Variants in SLC25A14 observed in about 807,000 individuals in gnomAD.
The protein encoded by SLC25A14 is brain mitochondrial carrier protein 1.
A neutral mutation model predicts 28.1 loss-of-function variants in SLC25A14; 8 were observed. The observed-to-expected ratio is 0.28, with a 90% CI of 0.17 to 0.51. The LOEUF (loss-of-function observed/expected upper bound fraction) is 0.51, where lower values mean the gene tolerates loss of function less well. Ranked by LOEUF, SLC25A14 falls within the 20% of genes least tolerant of loss-of-function variation. SLC25A14 has a pLI of 0.97. For missense variants in SLC25A14, 135 were observed against 263.8 expected, an observed-to-expected ratio of 0.51 and a Z score of 3.38; for synonymous variants, 74 against 90.6, an observed-to-expected ratio of 0.82 and a Z score of 1.04.
chrX:130,354,304 G>A (rs193190701), intron 6 of SLC25A14, among the ~76,000 whole-genome samples: 2,055 of 110,167 alleles, frequency 0.019, 33 homozygotes, highest in Non-Finnish European at 0.026. Context: ...TAGTAGAGAC[G>A]GGGTTTCACC....
chrX:130,372,011 C>A (rs1488321309), intron 10 of SLC25A14, among the ~76,000 whole-genome samples: 1 of 111,876 alleles, frequency 8.9e-6, no homozygotes, highest in Admixed American at 9.5e-5. Context: ...GAAATAAAAA[C>A]AGGACAGAAG....
intron 7 of SLC25A14, among the ~76,000 whole-genome samples, chrX:130,360,194 C>G (rs5977242): frequency 9.2e-6 from 1 of 109,096 alleles, no homozygotes; most frequent in African/African-American, 3.3e-5. Context: ...CCTGGCCAGG[C>G]TAGTTTTCTT....
At chrX:130,350,604 C>A in intron 5 of SLC25A14, 42 bp from the exon 6 acceptor site, 1 of 846,211 alleles carries the variant, frequency 1.2e-6, no homozygotes, top group Non-Finnish European at 1.7e-6. Context: ...CAAACTGGTG[C>A]CTAATACAAG....
chrX:130,366,044 C>T (rs1275663583), intron 9 of SLC25A14, among the ~76,000 whole-genome samples: 4 of 112,262 alleles, frequency 3.6e-5, no homozygotes, highest in Non-Finnish European at 5.6e-5. Flanking sequence ...TTTCAGTTCA[C>T]GGTTATGCTG....
chrX:130,352,317 G>A (rs189481926), intron 6 of SLC25A14, among the ~76,000 whole-genome samples: 22 of 112,130 alleles, frequency 2.0e-4, no homozygotes, highest in African/African-American at 6.5e-4. Flanking sequence ...CCAGTCCAAC[G>A]GTGGTGGGCA....
chrX:130,344,660 T>C (rs780735503), intron 2 of SLC25A14, among the ~76,000 whole-genome samples: 9 of 111,414 alleles, frequency 8.1e-5, no homozygotes, highest in Non-Finnish European at 1.1e-4. Context: ...CTGGGCCTAG[T>C]TGGGGGGACA....
At chrX:130,340,655 G>C (rs1295781823) in intron 2 of SLC25A14, among the ~76,000 whole-genome samples, 1 of 110,693 alleles carries the variant, frequency 9.0e-6, no homozygotes, top group African/African-American at 3.3e-5. Context: ...ACATCATCGA[G>C]TTCTTTGTGT....
chrX:130,369,974 A>G (rs1194537377), intron 9 of SLC25A14, among the ~76,000 whole-genome samples: 1 of 112,154 alleles, frequency 8.9e-6, no homozygotes, highest in Non-Finnish European at 1.9e-5. Context: ...ATTTTAGACC[A>G]ATTAAAAGTC....
In SLC25A14 at chrX:130,340,124, C is replaced by G. The variant is rs757046052; in HGVS notation, c.-155C>G. 2.7e-6 allele frequency: 3 copies of G among 1,104,765 alleles called. No homozygotes were observed. Among genetic ancestry groups the G allele is most frequent in the Non-Finnish European group, 3.5e-6 (3 of 848,712 alleles). The allele number at this position is 1,104,765 out of a possible 1,213,427, so 91.0% of individuals were successfully genotyped here. The stretch of plus-strand genomic sequence containing the variant: ...CCCCTCAGCTGAGTCCCTTCCCTGT[C>G]TTTCACTCTTCTGGCATCGGTGGTT... On this transcript the variant is annotated 5_prime_UTR_variant, in exon 2 of 11. Transcript: ENST00000545805.
At chrX:130,348,981 A>G (rs2033542135) in intron 4 of SLC25A14, among the ~76,000 whole-genome samples, 1 of 109,962 alleles carries the variant, frequency 9.1e-6, no homozygotes, top group African/African-American at 3.3e-5. Context: ...TAATTTCTAA[A>G]TGTTTGAGGA....
At chrX:130,356,517 C>A (rs1306098623) in intron 6 of SLC25A14, among the ~76,000 whole-genome samples, 1 of 111,284 alleles carries the variant, frequency 9.0e-6, no homozygotes, top group Non-Finnish European at 1.9e-5. Flanking sequence ...GCGTGAGCCA[C>A]TGCGCCTGGC....
chrX:130,370,915 C>A (rs182737335), intron 9 of SLC25A14, among the ~76,000 whole-genome samples: 1 of 111,900 alleles, frequency 8.9e-6, no homozygotes, highest in Non-Finnish European at 1.9e-5. Flanking sequence ...GATTGCAAAG[C>A]AGCTTAGCTG....
intron 5 of SLC25A14, among the ~76,000 whole-genome samples, chrX:130,350,400 C>T (rs371953008): frequency 9.9e-5 from 11 of 111,483 alleles, no homozygotes; most frequent in South Asian, 3.7e-4. Flanking sequence ...AAGAAAAGGA[C>T]GTGTTCCAGT....
chrX:130,349,241 T>C lies in SLC25A14; in HGVS notation c.318-10T>C, dbSNP rs749711263. ...TGTTGAGAATAACTTTTTACTTTTT[T>C]TTTTTTCAGAATTGCTCCTGCGTTG... is the stretch of plus-strand genomic sequence containing the variant. On this transcript the variant is annotated splice_polypyrimidine_tract_variant and intron_variant, in intron 4 of 10. Transcript: ENST00000545805. 1 of 1,142,476 alleles carries C rather than the reference T, an allele frequency of 8.8e-7. No homozygotes were observed. The highest frequency in any genetic ancestry group is 1.2e-6 in the Non-Finnish European group (1 of 844,637). 94.2% of individuals were successfully genotyped at this position (1,142,476 alleles called of 1,213,427 possible).
chrX:130,354,335 G>A (rs183330821), intron 6 of SLC25A14, among the ~76,000 whole-genome samples: 1,424 of 110,807 alleles, frequency 0.013, 26 homozygotes, highest in African/African-American at 0.044. Context: ...GGATGGTGTC[G>A]ATTTCCTGAC....
chrX:130,368,228 G>T (rs971546911), intron 9 of SLC25A14, among the ~76,000 whole-genome samples: 1 of 112,448 alleles, frequency 8.9e-6, no homozygotes, highest in Non-Finnish European at 1.9e-5. Flanking sequence ...ATGCAATAGC[G>T]ATCTAATATG....
intron 4 of SLC25A14, 21 bp downstream of exon 4, chrX:130,346,712 A>G (rs1282850151): frequency 6.8e-6 from 8 of 1,169,028 alleles, no homozygotes; most frequent in Admixed American, 4.6e-5. Flanking sequence ...TTCTTTCCTT[A>G]TATCATTAAC....
chrX:130,344,616 G>T (rs1226856735), intron 2 of SLC25A14, among the ~76,000 whole-genome samples: 4 of 111,822 alleles, frequency 3.6e-5, no homozygotes, highest in Non-Finnish European at 7.5e-5. Flanking sequence ...TCCTTTGGGC[G>T]CTAGAAGGAA....
At chrX:130,340,699 C>T (rs1333216543) in intron 2 of SLC25A14, among the ~76,000 whole-genome samples, 1 of 110,942 alleles carries the variant, frequency 9.0e-6, no homozygotes, top group Non-Finnish European at 1.9e-5. Flanking sequence ...AACCTCAGTG[C>T]CAACAAGCAT....
Sources: gnomAD v4.1 joint callset for allele counts (sites outside exome capture counted in the v4.1 genomes callset) on GRCh38, gnomAD v4.1.1 for gene constraint, MANE v1.5 for transcripts, NCBI Gene and HGNC (gene_info 2026-07-23, HGNC 2026-07-21) for gene names.